The following TTC28 variants were observed in gnomAD, a reference collection of about 807,000 sequenced individuals.
TTC28 encodes tetratricopeptide repeat protein 28.
TTC28 carries 61 observed loss-of-function variants against 198.0 expected under a neutral mutation model. The observed-to-expected ratio is 0.31, with a 90% confidence interval of 0.25 to 0.38. The LOEUF (loss-of-function observed/expected upper bound fraction) is 0.38. Ranked by LOEUF, TTC28 falls within the 10% of genes least tolerant of loss-of-function variation. The pLI, the probability that TTC28 is intolerant of heterozygous loss-of-function variation, is 1.00. For missense variants in TTC28, 2,678 were observed against 3,164.0 expected (o/e 0.85, Z 3.69); for synonymous variants, 1,171 against 1,297.8 (o/e 0.90, Z 2.10).
chr22:27,998,130 C>T (rs977867637), intron 16 of TTC28: 1 of 216,748 alleles, frequency 4.6e-6, no homozygotes, highest in Non-Finnish European at 9.2e-6. Flanking sequence ...CTTGTTACCC[C>T]TGAGAACACA....
intron 5 of TTC28, among the ~76,000 whole-genome samples, chr22:28,203,750 G>A (rs962701470): frequency 6.6e-6 from 1 of 151,924 alleles, no homozygotes; most frequent in African/African-American, 2.4e-5. Context: ...GTACAATTTT[G>A]TTATCCATAA....
intron 2 of TTC28, among the ~76,000 whole-genome samples, chr22:28,474,080 G>A (rs1477606929): frequency 1.3e-5 from 2 of 152,140 alleles, no homozygotes; most frequent in East Asian, 3.8e-4. Context: ...AAACATGACA[G>A]ATTAAACACG....
At chr22:28,420,563 T>C (rs993063398) in intron 2 of TTC28, among the ~76,000 whole-genome samples, 1 of 89,798 alleles carries the variant, frequency 1.1e-5, no homozygotes, top group South Asian at 3.7e-4. Context: ...AACTAAAAAA[T>C]GCAAAAAAAA....
At chr22:27,996,321 C>T in intron 16 of TTC28, 62 bp from the exon 17 acceptor site, 2 of 1,526,024 alleles carry the variant, frequency 1.3e-6, no homozygotes, top group Admixed American at 2.0e-5. Context: ...CCCACCCCGG[C>T]TTCCAGGGCT....
intron 5 of TTC28, among the ~76,000 whole-genome samples, chr22:28,256,969 G>A (rs1930971512): frequency 6.6e-6 from 1 of 152,212 alleles, no homozygotes; most frequent in South Asian, 2.1e-4. Context: ...GAGCTCAGGA[G>A]TTTGAGGTTA....
chr22:28,065,201 G>A (rs942527282), intron 12 of TTC28, among the ~76,000 whole-genome samples: 4 of 152,068 alleles, frequency 2.6e-5, no homozygotes, highest in Admixed American at 2.0e-4. Context: ...ATGGACACAC[G>A]TTCTCTTCCC....
chr22:28,328,952 G>A (rs2045575127), intron 2 of TTC28, among the ~76,000 whole-genome samples: 1 of 151,796 alleles, frequency 6.6e-6, no homozygotes, highest in Admixed American at 6.6e-5. Context: ...AACAAAGAAT[G>A]GCATGAGATG....
intron 6 of TTC28, among the ~76,000 whole-genome samples, chr22:28,155,139 T>G (rs1320169581): frequency 6.6e-6 from 1 of 152,252 alleles, no homozygotes; most frequent in Admixed American, 6.5e-5. Flanking sequence ...ATCTTAACAT[T>G]TGTTTCCAGT....
At position 28,642,780 on chromosome 22, in the gene TTC28, G is replaced by C. The variant is rs144133123; in HGVS notation, c.103-12950C>G. 2.0e-5 allele frequency among the ~76,000 whole-genome samples: 3 copies of C among 152,300 alleles called. No individual in the cohort carries two copies. The East Asian group carries it at 5.8e-4, about 29-fold the overall frequency. On this transcript the variant is annotated intron_variant, in intron 1 of 22. Coordinates refer to ENST00000397906, the MANE Select transcript of TTC28 (RefSeq NM_001145418.2). ...AGGTAACTGGGGCCCAGTGTGTTTA[G>C]ATCTGCACTGCCCAATACAGGAGCC...
intron 15 of TTC28, chr22:28,000,642 G>C (rs1345953703): frequency 6.6e-6 from 1 of 152,390 alleles, no homozygotes; most frequent in Admixed American, 6.5e-5. Context: ...CTGTGGGACT[G>C]TGGAGGGGTC....
chr22:28,490,585 A>G (rs2048364023), intron 2 of TTC28, among the ~76,000 whole-genome samples: 1 of 152,242 alleles, frequency 6.6e-6, no homozygotes, highest in African/African-American at 2.4e-5. Flanking sequence ...CACCACACAC[A>G]GTTATTTGGA....
At chr22:28,377,972 G>C (rs534100016) in intron 2 of TTC28, among the ~76,000 whole-genome samples, 1 of 152,002 alleles carries the variant, frequency 6.6e-6, no homozygotes, top group Non-Finnish European at 1.5e-5. Flanking sequence ...AAAAAAACAC[G>C]AGCATGCTAA....
At chr22:28,587,960 T>C (rs934996530) in intron 2 of TTC28, among the ~76,000 whole-genome samples, 1 of 151,258 alleles carries the variant, frequency 6.6e-6, no homozygotes, top group African/African-American at 2.4e-5. Flanking sequence ...GCTAACATGG[T>C]GAAACCCCGT....
Position 27,998,732 on chromosome 22 carries a change from T to G in TTC28, c.4927A>C (p.Arg1643=). The G allele has an allele frequency of 4.5e-6, 7 of 1,550,812 alleles. No homozygotes were observed. Among genetic ancestry groups the G allele is most frequent in the Non-Finnish European group, 6.1e-6 (7 of 1,146,996 alleles). Reference sequence around the variant, plus strand: ...TGAGCGCCGGCAGCCAGGAAGGCCCTTGTCAGCGCGATGACCCCGTCGGCT... The same window carrying G: ...TGAGCGCCGGCAGCCAGGAAGGCCCGTGTCAGCGCGATGACCCCGTCGGCT... The part of the protein sequence containing the change: ...VTADGVIALT[R]AFLAAGAQCV... The change falls in exon 16 of 23, where the codon AGG becomes CGG. Residue 1643 remains arginine, a synonymous_variant. Coordinates refer to ENST00000397906, the MANE Select transcript of TTC28 (RefSeq NM_001145418.2).
chr22:28,008,620 C>T (rs1938017568), intron 14 of TTC28: 1 of 152,224 alleles, frequency 6.6e-6, no homozygotes, highest in Admixed American at 6.5e-5. Flanking sequence ...CAAGTCTAAA[C>T]TCCAAGGATC....
chr22:28,323,441 A>C (rs1030863382), intron 2 of TTC28, among the ~76,000 whole-genome samples: 32 of 152,090 alleles, frequency 2.1e-4, no homozygotes, highest in African/African-American at 7.7e-4. Context: ...AATTAAAAAG[A>C]AGCAGAAATT....
At chr22:28,105,849 G>A in intron 7 of TTC28, 47 bp from the exon 8 acceptor site, 1 of 1,495,666 alleles carries the variant, frequency 6.7e-7, no homozygotes, top group Non-Finnish European at 8.9e-7. Context: ...TCATGCAGGT[G>A]CAGACATGCT....
intron 5 of TTC28, among the ~76,000 whole-genome samples, chr22:28,218,122 T>G (rs1023794779): frequency 6.6e-6 from 1 of 152,210 alleles, no homozygotes; most frequent in Admixed American, 6.5e-5. Context: ...TTTTTTAAGG[T>G]TAGCTGCAAT....
At chr22:28,555,431 C>T (rs896232003) in intron 2 of TTC28, among the ~76,000 whole-genome samples, 8 of 152,044 alleles carry the variant, frequency 5.3e-5, no homozygotes, top group South Asian at 4.1e-4. Flanking sequence ...TGCAAAAATA[C>T]GGAACCAGCC....
Sources: allele counts gnomAD v4.1 joint callset (sites outside exome capture counted in the v4.1 genomes callset), GRCh38; gene constraint gnomAD v4.1.1; transcripts MANE v1.5; gene names NCBI Gene and HGNC (gene_info 2026-07-23, HGNC 2026-07-21).